EPHA6: variants seen among roughly 807,000 people sequenced by gnomAD.
EPHA6 encodes the protein EPH receptor A6, also known as ephrin type-A receptor 6.
A neutral mutation model predicts 112.0 loss-of-function variants in EPHA6; 50 were observed. That is an observed-to-expected ratio of 0.45 (90% CI 0.36 to 0.56). EPHA6 has a LOEUF of 0.56. EPHA6 is among the 20% of genes least tolerant of loss of function. The probability of loss-of-function intolerance (pLI) is 0.00; values close to 1 mark genes in which losing one functional copy is unlikely to be tolerated. For synonymous variants in EPHA6, 529 were observed against 490.7 expected, an observed-to-expected ratio of 1.08 and a Z score of -1.03; for missense variants, 1,280 against 1,417.4, an observed-to-expected ratio of 0.90 and a Z score of 1.56.
At chr3:97,043,646 G>T (rs555754608) in intron 3 of EPHA6, among the ~76,000 whole-genome samples, 6 of 152,238 alleles carry the variant, frequency 3.9e-5, no homozygotes, top group African/African-American at 1.4e-4. Flanking sequence ...TCTTTAGTTA[G>T]GGCTTTTGCT....
At chr3:97,474,511 C>A (rs2091314867) in intron 7 of EPHA6, among the ~76,000 whole-genome samples, 3 of 151,800 alleles carry the variant, frequency 2.0e-5, no homozygotes, top group Admixed American at 2.0e-4. Context: ...TGGGCAATTT[C>A]TTTAATTTTT....
chr3:97,267,613 G>C (rs1195701285), intron 5 of EPHA6, among the ~76,000 whole-genome samples: 1 of 152,010 alleles, frequency 6.6e-6, no homozygotes, highest in African/African-American at 2.4e-5. Context: ...TAAATTTGAA[G>C]TTCACTTACT....
chr3:97,460,376 G>C (rs62262773), intron 7 of EPHA6, among the ~76,000 whole-genome samples: 1 of 152,170 alleles, frequency 6.6e-6, no homozygotes, highest in African/African-American at 2.4e-5. Context: ...TTATTCATTT[G>C]TATGTAGAGT....
In EPHA6 at chr3:97,582,189, C is replaced by G. The variant is rs569296337; in HGVS notation, c.2387-10423C>G. ...GGATTGCAGGCATGTGCCACCACAC[C>G]CGGATAATTTTGTATTTTCAGTAGA... is the stretch of plus-strand genomic sequence containing the variant. On this transcript the variant is annotated intron_variant, in intron 11 of 17. Coordinates refer to ENST00000389672, the MANE Select transcript of EPHA6 (RefSeq NM_001080448.3). Among the ~76,000 whole-genome samples the G allele has an allele frequency of 1.1e-3, 164 of 152,074 alleles. 1 individual carries two copies. The highest frequency in any genetic ancestry group is 3.6e-3 in the African/African-American group (148 of 41,490).
chr3:97,104,470 CA>C (rs2047504319), intron 3 of EPHA6, among the ~76,000 whole-genome samples: 1 of 151,996 alleles, frequency 6.6e-6, no homozygotes, highest in African/African-American at 2.4e-5. Context: ...TATGTTGAAC[CA>C]AACTTGCATC....
intron 10 of EPHA6, among the ~76,000 whole-genome samples, chr3:97,499,370 A>G (rs533773017): frequency 6.6e-6 from 1 of 152,178 alleles, no homozygotes; most frequent in Non-Finnish European, 1.5e-5. Flanking sequence ...TCTTCCCACA[A>G]ATATAGTCAC....
intron 7 of EPHA6, among the ~76,000 whole-genome samples, chr3:97,450,766 A>G (rs560257898): frequency 6.6e-6 from 1 of 152,192 alleles, no homozygotes; most frequent in South Asian, 2.1e-4. Flanking sequence ...TCTGGGGATA[A>G]AAAATAATAA....
At chr3:97,460,889 G>T (rs1161958455) in intron 7 of EPHA6, among the ~76,000 whole-genome samples, 1 of 152,078 alleles carries the variant, frequency 6.6e-6, no homozygotes, top group Non-Finnish European at 1.5e-5. Flanking sequence ...CAGAAAACAT[G>T]CTGCAAGCCA....
intron 14 of EPHA6, among the ~76,000 whole-genome samples, chr3:97,656,062 G>A (rs1010039683): frequency 1.3e-5 from 2 of 151,854 alleles, no homozygotes; most frequent in Non-Finnish European, 1.5e-5. Flanking sequence ...ATTCTACAGT[G>A]AGTATTGTAC....
chr3:97,528,216 GA>G (rs1356503523), intron 10 of EPHA6, among the ~76,000 whole-genome samples: 1 of 152,112 alleles, frequency 6.6e-6, no homozygotes, highest in East Asian at 1.9e-4. Context: ...AAAGTAGCCT[GA>G]GGTTCGTATT....
chr3:97,087,686 T>A (rs187898859), intron 3 of EPHA6, among the ~76,000 whole-genome samples: 1 of 152,292 alleles, frequency 6.6e-6, no homozygotes, highest in African/African-American at 2.4e-5. Context: ...TCAGTGAGAT[T>A]GTCTTCTGAA....
At chr3:96,952,230 A>G (rs1472788336) in intron 2 of EPHA6, among the ~76,000 whole-genome samples, 1 of 152,184 alleles carries the variant, frequency 6.6e-6, no homozygotes, top group Non-Finnish European at 1.5e-5. Context: ...TACAGTGCCT[A>G]GCACCGAATA....
rs1318718080 is a variant in EPHA6, at chr3:96,959,586, A to G, written c.451-27744A>G. Among the ~76,000 whole-genome samples the G allele has an allele frequency of 2.0e-5, 3 of 152,142 alleles. No homozygotes were observed. The East Asian group carries it at 5.8e-4, about 29-fold the overall frequency. On this transcript the variant is annotated intron_variant, in intron 2 of 17. Coordinates refer to ENST00000389672, the MANE Select transcript of EPHA6 (RefSeq NM_001080448.3). Reference sequence around the variant, plus strand: ...AATCAATGACTAATTCCAAGTGACAAAGATTTACTCCCATAAATTCTTTTA... The same window carrying G: ...AATCAATGACTAATTCCAAGTGACAGAGATTTACTCCCATAAATTCTTTTA...
intron 5 of EPHA6, among the ~76,000 whole-genome samples, chr3:97,326,056 A>G (rs1399719127): frequency 2.0e-5 from 3 of 152,088 alleles, no homozygotes; most frequent in African/African-American, 7.2e-5. Context: ...TACATGCACA[A>G]TATATTGTAT....
chr3:96,954,762 T>G, intron 2 of EPHA6, among the ~76,000 whole-genome samples: 1 of 150,596 alleles, frequency 6.6e-6, no homozygotes, highest in African/African-American at 2.4e-5. Context: ...CTTAAATTTT[T>G]ACTGGTGTGC....
intron 7 of EPHA6, among the ~76,000 whole-genome samples, chr3:97,474,298 A>C (rs2107456899): frequency 6.6e-6 from 1 of 152,008 alleles, no homozygotes; most frequent in Admixed American, 6.6e-5. Flanking sequence ...ATAGCTGATA[A>C]GATTAATAGA....
chr3:97,184,968 G>A (rs1387976142), intron 3 of EPHA6, among the ~76,000 whole-genome samples: 1 of 152,232 alleles, frequency 6.6e-6, no homozygotes, highest in East Asian at 1.9e-4. Context: ...ATGGGGAAAG[G>A]ATTCCCTATT....
intron 4 of EPHA6, among the ~76,000 whole-genome samples, chr3:97,227,228 T>G (rs2078385821): frequency 6.6e-6 from 1 of 151,936 alleles, no homozygotes; most frequent in Admixed American, 6.6e-5. Flanking sequence ...GAGACTTTTT[T>G]TTTTTTTTCG....
At chr3:97,092,939 A>AG (rs1367457564) in intron 3 of EPHA6, among the ~76,000 whole-genome samples, 2 of 152,128 alleles carry the variant, frequency 1.3e-5, no homozygotes, top group African/African-American at 4.8e-5. Context: ...TCAGGGAGCT[A>AG]GGCCTCTGCT....
Sources: gnomAD v4.1 joint callset for allele counts (sites outside exome capture counted in the v4.1 genomes callset) on GRCh38, gnomAD v4.1.1 for gene constraint, MANE v1.5 for transcripts, NCBI Gene and HGNC (gene_info 2026-07-23, HGNC 2026-07-21) for gene names.